LRFN2: variants seen among roughly 807,000 people sequenced by gnomAD.
LRFN2 encodes leucine rich repeat and fibronectin type III domain containing 2.
Under a neutral mutation model 37.3 loss-of-function variants are expected in LRFN2, and 18 were observed. The ratio of observed to expected loss-of-function variants is 0.48; its 90% CI spans 0.33 to 0.72. The LOEUF is 0.72. LRFN2 is among the 30% of genes least tolerant of loss of function. The pLI, the probability that LRFN2 is intolerant of heterozygous loss-of-function variation, is 0.02. For synonymous variants in LRFN2, 556 were observed against 466.6 expected, an observed-to-expected ratio of 1.19 and a Z score of -2.47; for missense variants, 1,006 against 1,060.7, an observed-to-expected ratio of 0.95 and a Z score of 0.72.
Position 40,432,943 on chromosome 6 carries a change from C to G in LRFN2, c.171G>C (p.Leu57=), listed in dbSNP as rs2113825813. Residue 57 remains leucine, a synonymous_variant, in exon 2 of 3, where the codon CTG becomes CTC. Coordinates refer to ENST00000338305, the MANE Select transcript of LRFN2 (RefSeq NM_020737.3). Reference sequence around the variant, plus strand: ...GGATGATGAAGTTGCCGCCCAGGCGCAGCTCCACTGTCCGCCGGTCAATAT... The same window carrying G: ...GGATGATGAAGTTGCCGCCCAGGCGGAGCTCCACTGTCCGCCGGTCAATAT... ...PPDIDRRTVE[L]RLGGNFIIHI... 1 of 1,613,862 alleles carries G rather than the reference C, an allele frequency of 6.2e-7. No individual in the cohort carries two copies. The highest frequency in any genetic ancestry group is 1.7e-5 in the Admixed American group (1 of 60,018).
At chr6:40,513,933 C>A (rs1391491851) in intron 1 of LRFN2, among the ~76,000 whole-genome samples, 3 of 151,208 alleles carry the variant, frequency 2.0e-5, no homozygotes, top group Non-Finnish European at 4.4e-5. Context: ...CTCTGGGTGA[C>A]CCTGGAGAGC....
intron 1 of LRFN2, among the ~76,000 whole-genome samples, chr6:40,487,652 T>A (rs1349017927): frequency 1.3e-5 from 2 of 152,200 alleles, no homozygotes; most frequent in Non-Finnish European, 2.9e-5. Context: ...ACTGTGAAAC[T>A]GATGGGGGAA....
chr6:40,490,584 C>T (rs1765067502), intron 1 of LRFN2, among the ~76,000 whole-genome samples: 1 of 152,352 alleles, frequency 6.6e-6, no homozygotes, highest in Non-Finnish European at 1.5e-5. Flanking sequence ...TGCCGACACT[C>T]TCAGAGCTGC....
At chr6:40,565,562 GC>G (rs1767072374) in intron 1 of LRFN2, among the ~76,000 whole-genome samples, 1 of 152,224 alleles carries the variant, frequency 6.6e-6, no homozygotes, top group Non-Finnish European at 1.5e-5. Flanking sequence ...ACAGAGCAGA[GC>G]CCTCAGAAAT....
At chr6:40,467,905 T>C (rs994308652) in intron 1 of LRFN2, among the ~76,000 whole-genome samples, 2 of 152,114 alleles carry the variant, frequency 1.3e-5, no homozygotes, top group African/African-American at 4.8e-5. Context: ...CCTAGTATGA[T>C]GGAAGAGACC....
intron 1 of LRFN2, among the ~76,000 whole-genome samples, chr6:40,562,533 A>G (rs1485412286): frequency 6.6e-6 from 1 of 152,058 alleles, no homozygotes; most frequent in Non-Finnish European, 1.5e-5. Flanking sequence ...AATGGGGTCC[A>G]CCCAAAAACT....
chr6:40,574,102 T>C (rs1767233813), intron 1 of LRFN2, among the ~76,000 whole-genome samples: 3 of 152,194 alleles, frequency 2.0e-5, no homozygotes, highest in African/African-American at 7.2e-5. Flanking sequence ...AGTTTTCACA[T>C]GTGCAGGGAG....
At position 40,587,353 on chromosome 6, in the gene LRFN2, G is replaced by T. The variant is rs980606646; in HGVS notation, c.-431C>A. The stretch of plus-strand genomic sequence containing the variant: ...CGAGCCTGCCGGGTTGTGTATGTGT[G>T]AGTGTATGTGTGTCTCAGCGAGAGG... On this transcript the variant is annotated 5_prime_UTR_variant, in exon 1 of 3. Transcript: ENST00000338305. This position sits in a 1 kb window ranked among gnomAD's most constrained non-coding sequence, Gnocchi z 4.2. 3 of 152,214 alleles carry T rather than the reference G, an allele frequency of 2.0e-5. No homozygotes were observed. Among genetic ancestry groups the T allele is most frequent in the Non-Finnish European group, 4.4e-5 (3 of 68,000 alleles). The allele number at this position is 152,214 out of a possible 1,614,324, so 9.4% of individuals were successfully genotyped here.
At chr6:40,530,556 T>C (rs1463557384) in intron 1 of LRFN2, among the ~76,000 whole-genome samples, 2 of 152,020 alleles carry the variant, frequency 1.3e-5, no homozygotes, top group Non-Finnish European at 2.9e-5. Context: ...CCTGAGTTTG[T>C]CCTCTCTCTG....
chr6:40,458,677 T>C (rs1466105232), intron 1 of LRFN2, among the ~76,000 whole-genome samples: 1 of 152,222 alleles, frequency 6.6e-6, no homozygotes, highest in Non-Finnish European at 1.5e-5. Context: ...TGACCTTGTG[T>C]TCTCCCAAGG....
intron 1 of LRFN2, among the ~76,000 whole-genome samples, chr6:40,486,774 G>T (rs546874271): frequency 6.6e-6 from 1 of 152,206 alleles, no homozygotes; most frequent in Non-Finnish European, 1.5e-5. Flanking sequence ...GGGTGTGTAC[G>T]AGTGGGCAGA....
At chr6:40,552,139 T>C (rs1766788840) in intron 1 of LRFN2, among the ~76,000 whole-genome samples, 1 of 152,216 alleles carries the variant, frequency 6.6e-6, no homozygotes, top group Non-Finnish European at 1.5e-5. Flanking sequence ...AGCTCCATTC[T>C]GCAAATTCGC....
intron 1 of LRFN2, among the ~76,000 whole-genome samples, chr6:40,453,930 C>A (rs191230218): frequency 2.2e-3 from 329 of 152,214 alleles, no homozygotes; most frequent in Non-Finnish European, 4.0e-3. Flanking sequence ...CTCTCCCTGT[C>A]TCTCCCTGCT....
intron 1 of LRFN2, 94 bp from the exon 2 acceptor site, chr6:40,433,225 G>A: frequency 1.8e-6 from 2 of 1,086,256 alleles, no homozygotes; most frequent in Non-Finnish European, 2.6e-6. Flanking sequence ...CACTGCCTTA[G>A]GGAGTGGCAT....
intron 1 of LRFN2, among the ~76,000 whole-genome samples, chr6:40,473,566 T>C (rs139780071): frequency 3.3e-5 from 5 of 152,336 alleles, no homozygotes; most frequent in Non-Finnish European, 7.4e-5. Context: ...ATTACTATTA[T>C]CATCCCTGTT....
intron 1 of LRFN2, among the ~76,000 whole-genome samples, chr6:40,517,787 G>A (rs573280456): frequency 7.2e-5 from 11 of 152,288 alleles, no homozygotes; most frequent in African/African-American, 2.2e-4. Context: ...TAGTGTGTAC[G>A]TGGCAGAGCT....
chr6:40,495,593 C>T (rs756456608), intron 1 of LRFN2, among the ~76,000 whole-genome samples: 1 of 152,174 alleles, frequency 6.6e-6, no homozygotes, highest in South Asian at 2.1e-4. Flanking sequence ...ATACAGTTGC[C>T]CTGTCTCCTT....
rs554676337 is a variant in LRFN2, at chr6:40,468,794, T to C, written c.-18-35663A>G. On this transcript the variant is annotated intron_variant, in intron 1 of 2. Transcript: ENST00000338305. ...CTCTGCCCCTTACCCCATCTCCTCA[T>C]GCATGTCTCTTCTCCTTTCTGGCTT... Among the ~76,000 whole-genome samples, 13 of 152,246 alleles carry C rather than the reference T, an allele frequency of 8.5e-5. No individual in the cohort carries two copies. In the South Asian group the frequency reaches 2.5e-3, roughly 29 times the overall value.
intron 2 of LRFN2, among the ~76,000 whole-genome samples, chr6:40,429,319 C>T (rs1763425966): frequency 6.6e-6 from 1 of 152,226 alleles, no homozygotes; most frequent in Non-Finnish European, 1.5e-5. Context: ...TTTGGCAATG[C>T]TAGTGTGTTG....
Sources: gnomAD v4.1 joint callset for allele counts (sites outside exome capture counted in the v4.1 genomes callset) on GRCh38, gnomAD v4.1.1 for gene constraint, Gnocchi (gnomAD v3.1) non-coding constraint, MANE v1.5 for transcripts, NCBI Gene and HGNC (gene_info 2026-07-23, HGNC 2026-07-21) for gene names.